TRIM71: variants seen among roughly 807,000 people sequenced by gnomAD.
TRIM71 encodes the protein tripartite motif containing 71.
In TRIM71, 9 loss-of-function variants were observed where a neutral mutation model predicts 61.2. That is an observed-to-expected ratio of 0.15 (90% CI 0.09 to 0.26). The LOEUF is 0.26. Ranked by LOEUF, TRIM71 falls within the 10% of genes least tolerant of loss-of-function variation. TRIM71 has a pLI of 1.00. For synonymous variants in TRIM71, 645 were observed against 553.2 expected, an observed-to-expected ratio of 1.17 and a Z score of -2.33; for missense variants, 998 against 1,238.7, an observed-to-expected ratio of 0.81 and a Z score of 2.92.
intron 2 of TRIM71, among the ~76,000 whole-genome samples, chr3:32,878,191 A>G (rs2125690173): frequency 6.6e-6 from 1 of 152,388 alleles, no homozygotes; most frequent in East Asian, 1.9e-4. Flanking sequence ...CATGAAAACA[A>G]CTTTCGTGTC....
chr3:32,858,858 G>A (rs1696634580), intron 1 of TRIM71, among the ~76,000 whole-genome samples: 1 of 152,146 alleles, frequency 6.6e-6, no homozygotes, highest in South Asian at 2.1e-4. Context: ...AAAGTCTCCT[G>A]AAAACTTCGA....
intron 1 of TRIM71, among the ~76,000 whole-genome samples, chr3:32,868,689 T>TG (rs1453494787): frequency 6.6e-6 from 1 of 151,410 alleles, no homozygotes; most frequent in East Asian, 1.9e-4. Flanking sequence ...CATTAGGGTT[T>TG]TTTTTTTTTT....
In TRIM71 at chr3:32,891,586, C is replaced by T; in HGVS notation, c.2382C>T (p.Phe794=). The change falls in exon 4 of 4, where the codon TTC becomes TTT. Residue 794 remains phenylalanine (F), a synonymous_variant. Transcript: ENST00000383763. The surrounding 1 kb of genome is among the most constrained non-coding windows in gnomAD (Gnocchi z 8.2). Reference sequence around the variant, plus strand: ...CGGAGGGCACAGGCAATGGGCAGTTCCTGCGCCCACAAGGGGTAGCTGTGG... The same window carrying T: ...CGGAGGGCACAGGCAATGGGCAGTTTCTGCGCCCACAAGGGGTAGCTGTGG... The part of the protein sequence containing the change: ...LGSEGTGNGQ[F]LRPQGVAVDQ... 1 of 1,613,758 alleles carries T rather than the reference C, an allele frequency of 6.2e-7. No homozygotes were observed. Among genetic ancestry groups the T allele is most frequent in the South Asian group, 1.1e-5 (1 of 91,040 alleles).
At chr3:32,863,195 CTTTTTTTTTTTTT>C (rs11348995) in intron 1 of TRIM71, among the ~76,000 whole-genome samples, 158 of 53,754 alleles carry the variant, frequency 2.9e-3, no homozygotes, top group East Asian at 0.013. Flanking sequence ...TTAATTGAAC[CTTTTTTTTTTTTT>C]TTTTTTTTTT....
chr3:32,835,090 T>C (rs1250771986), intron 1 of TRIM71, among the ~76,000 whole-genome samples: 1 of 152,196 alleles, frequency 6.6e-6, no homozygotes, highest in Non-Finnish European at 1.5e-5. Flanking sequence ...TTAAAAGTCA[T>C]GTGCAAGATG....
At position 32,818,893 on chromosome 3, in the gene TRIM71, T is replaced by C. The variant is rs1270030409; in HGVS notation, c.813T>C (p.Phe271=). Residue 271 remains phenylalanine (F), a synonymous_variant, in exon 1 of 4, where the codon TTT becomes TTC. Transcript: ENST00000383763. ...PGPPFSILSV[F]PERLGFCQHH... ...CGCCCTTCTCCATCCTCTCAGTGTT[T>C]CCCGAGCGCCTCGGCTTCTGCCAGC... 1 of 1,612,566 alleles carries C rather than the reference T, an allele frequency of 6.2e-7. No individual in the cohort carries two copies. Among genetic ancestry groups the C allele is most frequent in the African/African-American group, 1.3e-5 (1 of 74,916 alleles).
intron 1 of TRIM71, among the ~76,000 whole-genome samples, chr3:32,829,456 C>T (rs748038604): frequency 2.0e-5 from 3 of 152,086 alleles, no homozygotes; most frequent in Non-Finnish European, 2.9e-5. Flanking sequence ...GGATTACAGG[C>T]GTGAGCCACG....
rs1053295421 is a variant in TRIM71, at chr3:32,875,366, G to A, written c.1020+1381G>A. On this transcript the variant is annotated intron_variant, in intron 2 of 3. Transcript: ENST00000383763. Reference sequence around the variant, plus strand: ...TGTGCCTGAATTTCTATTAAATCTTGTCTGATCCAGGTGACAAGGTTTTAG... The same window carrying A: ...TGTGCCTGAATTTCTATTAAATCTTATCTGATCCAGGTGACAAGGTTTTAG... Among the ~76,000 whole-genome samples, 5 of 152,186 alleles carry A rather than the reference G, an allele frequency of 3.3e-5. 1 individual carries two copies. The highest frequency in any genetic ancestry group is 9.7e-5 in the African/African-American group (4 of 41,434).
At chr3:32,823,824 G>A (rs913225569) in intron 1 of TRIM71, among the ~76,000 whole-genome samples, 7 of 149,772 alleles carry the variant, frequency 4.7e-5, no homozygotes, top group South Asian at 2.1e-4. Flanking sequence ...GTGAGCCACC[G>A]CGCCTTTGGG....
intron 1 of TRIM71, among the ~76,000 whole-genome samples, chr3:32,822,609 C>A (rs993487647): frequency 6.6e-6 from 1 of 152,162 alleles, no homozygotes; most frequent in Non-Finnish European, 1.5e-5. Context: ...TTCCCAAAGT[C>A]TAAGTTTTTT....
chr3:32,819,056 G>C, intron 1 of TRIM71, 124 bp downstream of exon 1: 1 of 1,064,926 alleles, frequency 9.4e-7, no homozygotes, highest in Non-Finnish European at 1.4e-6. Flanking sequence ...TATTTCCTTT[G>C]GCTACGTGGC....
intron 1 of TRIM71, among the ~76,000 whole-genome samples, chr3:32,859,489 T>C (rs1696641663): frequency 6.6e-6 from 1 of 152,082 alleles, no homozygotes; most frequent in African/African-American, 2.4e-5. Flanking sequence ...AACTCCTGAC[T>C]TCAGGTGATC....
chr3:32,874,965 C>T (rs977023656), intron 2 of TRIM71, among the ~76,000 whole-genome samples: 2 of 152,108 alleles, frequency 1.3e-5, no homozygotes, highest in Non-Finnish European at 2.9e-5. Context: ...GGGTTACAGG[C>T]GCCCGCTGCC....
rs753390495 is a variant in TRIM71, at chr3:32,869,821, G to A, written c.853-3997G>A. On this transcript the variant is annotated intron_variant, in intron 1 of 3. Transcript: ENST00000383763. Reference sequence around the variant, plus strand: ...GGGGCAGGGAAGAGGGTGGTCACTTGCAGGGTCAGAGGTCAAGCCTCCTCC... The same window carrying A: ...GGGGCAGGGAAGAGGGTGGTCACTTACAGGGTCAGAGGTCAAGCCTCCTCC... Among the ~76,000 whole-genome samples the A allele has an allele frequency of 1.5e-3, 221 of 152,178 alleles. 4 individuals are homozygous for A. Among genetic ancestry groups the A allele is most frequent in the Non-Finnish European group, 9.1e-4 (62 of 68,026 alleles).
In TRIM71 at chr3:32,818,056, C is replaced by T. The variant is rs766612739; in HGVS notation, c.-25C>T. On this transcript the variant is annotated 5_prime_UTR_variant, in exon 1 of 4. Coordinates refer to ENST00000383763, the MANE Select transcript of TRIM71 (RefSeq NM_001039111.3). Reference sequence around the variant, plus strand: ...CCTCCTCCTCTTCCTCTCTGGTCTCCTCCCTCCTCCGGGCTGGGTTGCAAA... The same window carrying T: ...CCTCCTCCTCTTCCTCTCTGGTCTCTTCCCTCCTCCGGGCTGGGTTGCAAA... The T allele has an allele frequency of 1.9e-6, 3 of 1,607,622 alleles. No individual in the cohort carries two copies. The highest frequency in any genetic ancestry group is 1.7e-6 in the Non-Finnish European group (2 of 1,175,948).
At chr3:32,873,435 T>C (rs567606085) in intron 1 of TRIM71, among the ~76,000 whole-genome samples, 58 of 152,278 alleles carry the variant, frequency 3.8e-4, no homozygotes, top group African/African-American at 1.3e-3. Flanking sequence ...TCAGACTAGG[T>C]AACACAGTCT....
In TRIM71 at chr3:32,873,952, G is replaced by A. The variant is rs1220511377; in HGVS notation, c.987G>A (p.Leu329=). Residue 329 remains leucine (L), a synonymous_variant, in exon 2 of 4, where the codon CTG becomes CTA. Transcript: ENST00000383763. ...CACGGGCACTCACCATCCAGCTGCT[G>A]GCAGATGCCCAGCAGGGACGACAGG... ...QDSRALTIQL[L]ADAQQGRQAI... 1.2e-6 allele frequency: 2 copies of A among 1,613,086 alleles called. No homozygotes were observed. The highest frequency in any genetic ancestry group is 1.3e-5 in the African/African-American group (1 of 74,920).
chr3:32,883,420 C>CA (rs1334176651), intron 2 of TRIM71, among the ~76,000 whole-genome samples: 1 of 152,230 alleles, frequency 6.6e-6, no homozygotes, highest in Non-Finnish European at 1.5e-5. Flanking sequence ...CAGGAAGACT[C>CA]ATTGCTTTCC....
intron 3 of TRIM71, among the ~76,000 whole-genome samples, chr3:32,889,387 TC>T (rs781437802): frequency 4.8e-4 from 73 of 152,176 alleles, no homozygotes; most frequent in Non-Finnish European, 9.4e-4. Flanking sequence ...AAGTGATTCT[TC>T]CACCTCAGCT....
Sources: allele counts gnomAD v4.1 joint callset (sites outside exome capture counted in the v4.1 genomes callset), GRCh38; gene constraint gnomAD v4.1.1; non-coding constraint Gnocchi (gnomAD v3.1); transcripts MANE v1.5; gene names NCBI Gene and HGNC (gene_info 2026-07-23, HGNC 2026-07-21).